Variants in WDR17 observed in about 807,000 individuals in gnomAD.
The protein encoded by WDR17 is WD repeat-containing protein 17.
In WDR17, 143 loss-of-function variants were observed where a neutral mutation model predicts 161.7. The ratio of observed to expected loss-of-function variants is 0.88; its 90% CI spans 0.77 to 1.02. WDR17 has a LOEUF of 1.02. Among genes scored for constraint, WDR17 ranks in the 50% least tolerant of loss-of-function variants. WDR17 has a pLI of 0.00. For missense variants in WDR17, 1,469 were observed against 1,520.9 expected, an observed-to-expected ratio of 0.97 and a Z score of 0.57; for synonymous variants, 517 against 515.6, an observed-to-expected ratio of 1.00 and a Z score of -0.04.
At chr4:176,114,980 C>G in intron 2 of WDR17, among the ~76,000 whole-genome samples, 1 of 151,726 alleles carries the variant, frequency 6.6e-6, no homozygotes, top group East Asian at 1.9e-4. Flanking sequence ...ATTACTTTGG[C>G]AAGATAGCAG....
intron 1 of WDR17, among the ~76,000 whole-genome samples, chr4:176,104,519 T>C (rs1738366893): frequency 6.6e-6 from 1 of 152,050 alleles, no homozygotes; most frequent in South Asian, 2.1e-4. Context: ...AACTAATGTA[T>C]TTAAAATAAT....
At position 176,149,698 on chromosome 4, in the gene WDR17, A is replaced by G. The variant is rs1746798084; in HGVS notation, c.1898-109A>G. 2.9e-6 allele frequency: 4 copies of G among 1,375,762 alleles called. No homozygotes were observed. In the South Asian group the frequency reaches 5.3e-5, roughly 18 times the overall value. The allele number at this position is 1,375,762 out of a possible 1,614,324, so 85.2% of individuals were successfully genotyped here. On this transcript the variant is annotated intron_variant, in intron 13 of 28. Coordinates refer to ENST00000508596, the MANE Select transcript of WDR17 (RefSeq NM_181265.4). ...TTGACTGAGAACCTTTCAGTTACTC[A>G]CAATATTTCTTCATAGCTTCAATTC...
rs139660110 is a variant in WDR17, at chr4:176,069,409, A to G, written c.-7+3330A>G. 4.1e-3 allele frequency among the ~76,000 whole-genome samples: 629 copies of G among 152,318 alleles called. 3 individuals are homozygous for G. The highest frequency in any genetic ancestry group is 0.015 in the African/African-American group (603 of 41,578). ...ACAGTAATATAAATCTATAATTAAG[A>G]TAATACAGGAGGTAATTTAACAATG... is the stretch of plus-strand genomic sequence containing the variant. On this transcript the variant is annotated intron_variant, in intron 1 of 28. Transcript: ENST00000508596.
At chr4:176,173,793 G>T (rs1424192833) in intron 25 of WDR17, among the ~76,000 whole-genome samples, 1 of 151,786 alleles carries the variant, frequency 6.6e-6, no homozygotes, top group African/African-American at 2.4e-5. Flanking sequence ...GGGATTACAG[G>T]CATGAGCCAC....
chr4:176,172,186 A>C (rs1750831193), intron 23 of WDR17, 189 bp from the exon 24 acceptor site: 4 of 539,252 alleles, frequency 7.4e-6, no homozygotes, highest in Admixed American at 3.9e-5. Flanking sequence ...ATCCCCTCTT[A>C]CTGTTTTTAG....
At chr4:176,101,768 C>T (rs916161598) in intron 1 of WDR17, among the ~76,000 whole-genome samples, 2 of 151,928 alleles carry the variant, frequency 1.3e-5, no homozygotes, top group Non-Finnish European at 2.9e-5. Flanking sequence ...AAAGGCGATA[C>T]AGTGAAACAA....
intron 1 of WDR17, among the ~76,000 whole-genome samples, chr4:176,075,048 A>C (rs6553910): frequency 0.52 from 79,069 of 151,436 alleles, 22,042 homozygotes; most frequent in South Asian, 0.63. Context: ...TTTTAAATGC[A>C]GAAACATAAG....
chr4:176,142,106 C>T, intron 11 of WDR17, 37 bp downstream of exon 11: 1 of 1,543,888 alleles, frequency 6.5e-7, no homozygotes, highest in Non-Finnish European at 8.9e-7. Context: ...ATAATAACTA[C>T]ATTTTGGAAA....
intron 1 of WDR17, among the ~76,000 whole-genome samples, chr4:176,090,221 C>T (rs1735936586): frequency 2.0e-5 from 3 of 148,452 alleles, no homozygotes; most frequent in African/African-American, 7.6e-5. Context: ...TGAGCAAATT[C>T]TTGCTCTATT....
At chr4:176,160,811 C>T in intron 19 of WDR17, 100 bp from the exon 20 acceptor site, 2 of 948,474 alleles carry the variant, frequency 2.1e-6, no homozygotes, top group Non-Finnish European at 3.0e-6. Context: ...GTATAAATTT[C>T]AAACATTATT....
intron 25 of WDR17, among the ~76,000 whole-genome samples, chr4:176,174,029 C>T (rs1423400788): frequency 6.6e-6 from 1 of 151,790 alleles, no homozygotes; most frequent in East Asian, 1.9e-4. Flanking sequence ...GTATGCAAAG[C>T]ACCATACTGA....
rs1282374162 is a variant in WDR17 at position 176,177,583 on chromosome 4, T to A, written c.3661T>A (p.Tyr1221Asn). Residue 1221 changes from tyrosine to asparagine, a missense_variant, in exon 28 of 29, where the codon TAT becomes AAT. By Grantham distance (143) the Tyr-to-Asn change is moderately radical (BLOSUM62 -2). Coordinates refer to ENST00000508596, the MANE Select transcript of WDR17 (RefSeq NM_181265.4). ...ESLKGIIGPD[Y>N]VTGSNLPSHS... is the part of the protein sequence containing the mutation. ...ACTGAAAGGAATTATTGGACCAGAT[T>A]ATGTGACTGGATCAAATCTTCCAAG... The A allele has an allele frequency of 6.3e-7, 1 of 1,597,080 alleles. No individual in the cohort carries two copies. Among genetic ancestry groups the A allele is most frequent in the Non-Finnish European group, 8.5e-7 (1 of 1,176,068 alleles).
At chr4:176,076,635 C>A (rs1489343800) in intron 1 of WDR17, among the ~76,000 whole-genome samples, 1 of 149,872 alleles carries the variant, frequency 6.7e-6, no homozygotes, top group Non-Finnish European at 1.5e-5. Flanking sequence ...TTTTTTTTTG[C>A]AATTTCAGTT....
At chr4:176,108,276 T>C (rs1287856774) in intron 1 of WDR17, among the ~76,000 whole-genome samples, 1 of 152,144 alleles carries the variant, frequency 6.6e-6, no homozygotes. Flanking sequence ...TGAAAAGACA[T>C]GAAGCCAAAC....
chr4:176,132,045 G>A (rs1299891339), intron 7 of WDR17, among the ~76,000 whole-genome samples: 1 of 152,012 alleles, frequency 6.6e-6, no homozygotes, highest in African/African-American at 2.4e-5. Flanking sequence ...CAAGAGAAAG[G>A]ACAAGTTGAT....
intron 7 of WDR17, among the ~76,000 whole-genome samples, chr4:176,133,258 TAAAA>T (rs199845273): frequency 1.0e-5 from 1 of 96,736 alleles, no homozygotes; most frequent in Non-Finnish European, 2.1e-5. Context: ...CTCCTCTCTC[TAAAA>T]AAAAAAAAAA....
At chr4:176,099,537 A>T (rs1737452785) in intron 1 of WDR17, among the ~76,000 whole-genome samples, 1 of 152,112 alleles carries the variant, frequency 6.6e-6, no homozygotes, top group African/African-American at 2.4e-5. Context: ...GGGAGGGGAA[A>T]AGAAACCACT....
At chr4:176,068,645 G>C (rs1414147524) in intron 1 of WDR17, among the ~76,000 whole-genome samples, 1 of 152,002 alleles carries the variant, frequency 6.6e-6, no homozygotes, top group Non-Finnish European at 1.5e-5. Context: ...GATATTGGAA[G>C]GGATTTTTTA....
intron 1 of WDR17, among the ~76,000 whole-genome samples, chr4:176,087,210 T>C (rs1477708844): frequency 6.6e-6 from 1 of 152,074 alleles, no homozygotes; most frequent in Non-Finnish European, 1.5e-5. Context: ...CCCTTATATT[T>C]TTTTTTCTAG....
Sources: allele counts gnomAD v4.1 joint callset (sites outside exome capture counted in the v4.1 genomes callset), GRCh38; gene constraint gnomAD v4.1.1; transcripts MANE v1.5; gene names NCBI Gene and HGNC (gene_info 2026-07-23, HGNC 2026-07-21).